The following DAAM1 variants were observed in gnomAD, a reference collection of about 807,000 sequenced individuals.
The protein encoded by DAAM1 is disheveled-associated activator of morphogenesis 1.
A neutral mutation model predicts 130.0 loss-of-function variants in DAAM1; 52 were observed. That is an observed-to-expected ratio of 0.40 (90% CI 0.32 to 0.50). The LOEUF is 0.50. Ranked by LOEUF, DAAM1 falls within the 20% of genes least tolerant of loss-of-function variation. The pLI is 0.61. For synonymous variants in DAAM1, 452 were observed against 444.5 expected, an observed-to-expected ratio of 1.02 and a Z score of -0.21; for missense variants, 1,134 against 1,303.8, an observed-to-expected ratio of 0.87 and a Z score of 2.01.
intron 16 of DAAM1, among the ~76,000 whole-genome samples, 195 bp downstream of exon 16, chr14:59,340,375 T>C (rs1425680456): frequency 6.6e-6 from 1 of 152,194 alleles, no homozygotes; most frequent in African/African-American, 2.4e-5. Flanking sequence ...ATGCCTTCTT[T>C]CTCAAAGTTT....
intron 1 of DAAM1, among the ~76,000 whole-genome samples, chr14:59,199,179 C>T (rs1209595086): frequency 6.6e-6 from 1 of 152,214 alleles, no homozygotes; most frequent in Non-Finnish European, 1.5e-5. Context: ...CTCAACTGCA[C>T]AACTCAGGAG....
At chr14:59,244,880 A>C (rs1287244880) in intron 1 of DAAM1, among the ~76,000 whole-genome samples, 3 of 152,202 alleles carry the variant, frequency 2.0e-5, no homozygotes, top group African/African-American at 7.2e-5. Flanking sequence ...TGTTTTTAAG[A>C]GGAGTATCCA....
intron 17 of DAAM1, among the ~76,000 whole-genome samples, chr14:59,350,460 TACACACAC>T (rs3047886): frequency 4.7e-5 from 7 of 150,370 alleles, no homozygotes; most frequent in Non-Finnish European, 8.9e-5. Flanking sequence ...ACACGCCCCT[TACACACAC>T]ACACACACAC....
intron 24 of DAAM1, among the ~76,000 whole-genome samples, chr14:59,368,124 T>A (rs1484356587): frequency 6.6e-6 from 1 of 152,086 alleles, no homozygotes; most frequent in Non-Finnish European, 1.5e-5. Context: ...TTCACAGTAG[T>A]AGAATTAAAG....
At chr14:59,251,381 G>C (rs1242373799) in intron 1 of DAAM1, among the ~76,000 whole-genome samples, 1 of 151,552 alleles carries the variant, frequency 6.6e-6, no homozygotes, top group Admixed American at 6.6e-5. Context: ...CAGGTTAGGA[G>C]ATTGCCCATT....
At chr14:59,205,639 A>G (rs774085457) in intron 1 of DAAM1, among the ~76,000 whole-genome samples, 3 of 152,198 alleles carry the variant, frequency 2.0e-5, no homozygotes, top group Non-Finnish European at 4.4e-5. Flanking sequence ...TTCTCCAAAG[A>G]CAGGTCTTTT....
At chr14:59,263,146 T>C (rs751314747) in intron 1 of DAAM1, among the ~76,000 whole-genome samples, 2 of 152,170 alleles carry the variant, frequency 1.3e-5, no homozygotes, top group Non-Finnish European at 2.9e-5. Context: ...GGGAATGTGA[T>C]GTACAAAGAA....
At chr14:59,327,548 C>G (rs1466016583) in intron 12 of DAAM1, among the ~76,000 whole-genome samples, 1 of 151,706 alleles carries the variant, frequency 6.6e-6, no homozygotes, top group Non-Finnish European at 1.5e-5. Flanking sequence ...GCTGGGACTA[C>G]CGGCGCCCGC....
At chr14:59,291,084 T>G in intron 2 of DAAM1, 133 bp from the exon 3 acceptor site, 1 of 745,814 alleles carries the variant, frequency 1.3e-6, no homozygotes, top group South Asian at 1.9e-5. Context: ...TAACTTAGCT[T>G]CTTGATCTTT....
At chr14:59,326,740 G>A in intron 11 of DAAM1, 92 bp downstream of exon 11, 1 of 1,561,862 alleles carries the variant, frequency 6.4e-7, no homozygotes, top group Non-Finnish European at 8.7e-7. Context: ...TGGGAGAGCT[G>A]AAATGTTCTA....
intron 2 of DAAM1, among the ~76,000 whole-genome samples, chr14:59,289,969 T>C (rs1249001959): frequency 6.6e-6 from 1 of 151,822 alleles, no homozygotes; most frequent in African/African-American, 2.4e-5. Context: ...AAATAGAACC[T>C]GGGGACTTGA....
chr14:59,264,168 A>G (rs1298437005), intron 2 of DAAM1: 1 of 171,608 alleles, frequency 5.8e-6, no homozygotes, highest in East Asian at 1.5e-4. Context: ...ATTTAGCCTA[A>G]TGATAGGATT....
intron 3 of DAAM1, among the ~76,000 whole-genome samples, chr14:59,303,946 C>T (rs146119862): frequency 5.5e-4 from 83 of 152,150 alleles, no homozygotes; most frequent in African/African-American, 2.0e-3. Context: ...CAGCATCTGC[C>T]GTGACACATG....
chr14:59,222,255 T>A (rs1259889128), intron 1 of DAAM1, among the ~76,000 whole-genome samples: 1 of 152,248 alleles, frequency 6.6e-6, no homozygotes, highest in Admixed American at 6.5e-5. Context: ...ATGCTTCTTA[T>A]TCACTATGAT....
intron 12 of DAAM1, among the ~76,000 whole-genome samples, chr14:59,328,166 T>G (rs1885281650): frequency 1.3e-5 from 2 of 152,218 alleles, no homozygotes. Flanking sequence ...TCATCACATT[T>G]CCACTGAGCA....
chr14:59,296,023 T>G (rs974989310), intron 3 of DAAM1, among the ~76,000 whole-genome samples: 1 of 152,196 alleles, frequency 6.6e-6, no homozygotes, highest in Admixed American at 6.5e-5. Flanking sequence ...AAGTACCTGG[T>G]TTAGTCTTCT....
chr14:59,278,110 G>C (rs975546003), intron 2 of DAAM1, among the ~76,000 whole-genome samples: 2 of 152,086 alleles, frequency 1.3e-5, no homozygotes, highest in East Asian at 3.9e-4. Flanking sequence ...TGTGAATGTG[G>C]TCTCCTCCTC....
chr14:59,313,902 C>T (rs1313080391), intron 3 of DAAM1, among the ~76,000 whole-genome samples: 2 of 152,242 alleles, frequency 1.3e-5, no homozygotes, highest in African/African-American at 4.8e-5. Context: ...TAGTCCCCAT[C>T]ATCTGGCTTC....
chr14:59,289,909 C>G lies in DAAM1; in HGVS notation c.184-1308C>G, dbSNP rs981691481. Among the ~76,000 whole-genome samples, 9 of 152,054 alleles carry G rather than the reference C, an allele frequency of 5.9e-5. No individual in the cohort carries two copies. In the East Asian group the frequency reaches 9.7e-4, roughly 16 times the overall value. On this transcript the variant is annotated intron_variant, in intron 2 of 24. Coordinates refer to ENST00000360909, the MANE Select transcript of DAAM1 (RefSeq NM_001270520.2). ...GAAAACGAAATATCGCATGTTCTCA[C>G]TTATAAGTAAGAGCTAAACTTTGAA... is the stretch of plus-strand genomic sequence containing the variant.
Sources: gnomAD v4.1 joint callset for allele counts (sites outside exome capture counted in the v4.1 genomes callset) on GRCh38, gnomAD v4.1.1 for gene constraint, MANE v1.5 for transcripts, NCBI Gene and HGNC (gene_info 2026-07-23, HGNC 2026-07-21) for gene names.